The following CENPU variants were observed in gnomAD, a reference collection of about 807,000 sequenced individuals.
The protein encoded by CENPU is KSHV latent nuclear antigen interacting protein 1.
Under a neutral mutation model 56.7 loss-of-function variants are expected in CENPU, and 46 were observed. The observed-to-expected ratio is 0.81, with a 90% CI of 0.64 to 1.04. The LOEUF is 1.04. Among genes scored for constraint, CENPU ranks in the 50% least tolerant of loss-of-function variants. The pLI, the probability that CENPU is intolerant of heterozygous loss-of-function variation, is 0.00. For missense variants in CENPU, 510 were observed against 490.1 expected (o/e 1.04, Z -0.38); for synonymous variants, 166 against 163.0 (o/e 1.02, Z -0.14).
intron 1 of CENPU, among the ~76,000 whole-genome samples, chr4:184,732,444 G>C (rs1232306339): frequency 6.6e-6 from 1 of 152,152 alleles, no homozygotes; most frequent in Non-Finnish European, 1.5e-5. Context: ...TGAAACCTAA[G>C]GAAGCAGGTA....
At chr4:184,733,555 C>T (rs1418334583) in intron 1 of CENPU, 2 of 283,486 alleles carry the variant, frequency 7.1e-6, no homozygotes, top group Non-Finnish European at 1.1e-5. Context: ...GCAGCTCGGT[C>T]CCCCAGCCGG....
At chr4:184,731,883 CTGTGTGTGTG>C (rs59083873) in intron 1 of CENPU, among the ~76,000 whole-genome samples, 8 of 146,638 alleles carry the variant, frequency 5.5e-5, no homozygotes, top group Non-Finnish European at 6.0e-5. Context: ...CTCATGTGCT[CTGTGTGTGTG>C]TGTGTGTGTG....
At chr4:184,703,215 T>TG (rs1760602044) in intron 8 of CENPU, among the ~76,000 whole-genome samples, 1 of 152,262 alleles carries the variant, frequency 6.6e-6, no homozygotes, top group South Asian at 2.1e-4. Flanking sequence ...GAAATGCTTA[T>TG]GGATACTCCC....
At chr4:184,697,866 G>C in intron 11 of CENPU, 63 bp from the exon 12 acceptor site, 1 of 1,334,504 alleles carries the variant, frequency 7.5e-7, no homozygotes, top group East Asian at 2.3e-5. Flanking sequence ...AACTGAGGTT[G>C]TAAGTACGCT....
intron 8 of CENPU, among the ~76,000 whole-genome samples, chr4:184,705,721 G>T (rs922085580): frequency 6.6e-6 from 1 of 152,160 alleles, no homozygotes; most frequent in African/African-American, 2.4e-5. Flanking sequence ...ACTGATGAAT[G>T]AATGGATAAA....
chr4:184,719,617 C>A (rs1297866683), intron 4 of CENPU, among the ~76,000 whole-genome samples: 3 of 152,144 alleles, frequency 2.0e-5, no homozygotes, highest in Admixed American at 6.5e-5. Flanking sequence ...GGGCTTGGAG[C>A]CAGTGGACTG....
chr4:184,732,183 T>C (rs1761671233), intron 1 of CENPU, among the ~76,000 whole-genome samples: 1 of 152,152 alleles, frequency 6.6e-6, no homozygotes, highest in Admixed American at 6.5e-5. Flanking sequence ...CCTTTTGTTT[T>C]ATGTGTGGAT....
intron 8 of CENPU, among the ~76,000 whole-genome samples, chr4:184,703,794 A>T (rs1760626085): frequency 6.6e-6 from 1 of 152,218 alleles, no homozygotes. Context: ...GGATAAAGGA[A>T]ATGTGTTAAA....
At chr4:184,727,639 A>G (rs1189383841) in intron 3 of CENPU, among the ~76,000 whole-genome samples, 1 of 152,220 alleles carries the variant, frequency 6.6e-6, no homozygotes, top group African/African-American at 2.4e-5. Flanking sequence ...GGACTCAGCA[A>G]TTCTGCTCCC....
chr4:184,733,046 T>C (rs537913310), intron 1 of CENPU, among the ~76,000 whole-genome samples: 3 of 150,588 alleles, frequency 2.0e-5, no homozygotes, highest in South Asian at 2.1e-4. Flanking sequence ...GGAGGAGGCA[T>C]GAACAGATTT....
chr4:184,717,848 A>G (rs10428373), intron 4 of CENPU, among the ~76,000 whole-genome samples: 27,041 of 152,070 alleles, frequency 0.18, 3,576 homozygotes, highest in East Asian at 0.7. Flanking sequence ...TGGCGCTGAC[A>G]GGTAAAAAAA....
intron 8 of CENPU, among the ~76,000 whole-genome samples, chr4:184,703,673 A>G (rs893535045): frequency 1.3e-5 from 2 of 152,242 alleles, no homozygotes; most frequent in African/African-American, 4.8e-5. Context: ...TACATACACA[A>G]AAGAATTGAA....
chr4:184,701,243 ATTT>A (rs1760525161), intron 10 of CENPU, among the ~76,000 whole-genome samples: 3 of 152,184 alleles, frequency 2.0e-5, no homozygotes, highest in African/African-American at 7.2e-5. Flanking sequence ...TCCACTCTGT[ATTT>A]TAAAAGAAAT....
At chr4:184,702,202 G>A in intron 9 of CENPU, 66 bp from the exon 10 acceptor site, 17 of 1,329,668 alleles carry the variant, frequency 1.3e-5, no homozygotes, top group Non-Finnish European at 1.7e-5. Context: ...AGTTTCACAT[G>A]TGTCACATTT....
At chr4:184,698,291 T>G (rs1760407120) in intron 11 of CENPU, 1 of 152,358 alleles carries the variant, frequency 6.6e-6, no homozygotes. Context: ...GCAAACTGTT[T>G]CATCTCTCAG....
intron 3 of CENPU, among the ~76,000 whole-genome samples, chr4:184,728,020 G>A (rs2150230529): frequency 6.6e-6 from 1 of 152,280 alleles, no homozygotes; most frequent in Admixed American, 6.5e-5. Flanking sequence ...TGGGTACAGG[G>A]TTCTCTACAG....
rs772597684 is a variant in CENPU, at chr4:184,734,053, G to A, written c.10C>T (p.Arg4Trp). Residue 4 changes from arginine (R) to tryptophan (W), a missense_variant, in exon 1 of 13, where the codon CGG becomes TGG. Physicochemically the swap from Arg to Trp is moderately radical, Grantham distance 101. Transcript: ENST00000281453. MAP[R>W]GRRRPRPHRS... ...TGAGGCCGCGGCCGCCGCCGCCCCCGCGGGGCCATGGTGCCGCTCTCCGCT... is the reference window on the plus strand; with the variant it reads ...TGAGGCCGCGGCCGCCGCCGCCCCCACGGGGCCATGGTGCCGCTCTCCGCT... 1.1e-4 allele frequency: 168 copies of A among 1,566,068 alleles called. No individual in the cohort carries two copies. Among genetic ancestry groups the A allele is most frequent in the Middle Eastern group, 1.7e-4 (1 of 5,812 alleles).
At chr4:184,728,887 T>C (rs1198790456) in intron 3 of CENPU, 31 bp downstream of exon 3, 3 of 1,502,000 alleles carry the variant, frequency 2.0e-6, no homozygotes, top group Non-Finnish European at 1.8e-6. Flanking sequence ...TGCTTTAGAG[T>C]TATGTTAGGA....
At chr4:184,716,658 A>G in intron 5 of CENPU, 25 bp from the exon 6 acceptor site, 1 of 1,520,014 alleles carries the variant, frequency 6.6e-7, no homozygotes, top group Non-Finnish European at 9.1e-7. Context: ...AAACAGCAGT[A>G]CTTATGTAGA....
Sources: gnomAD v4.1 joint callset for allele counts (sites outside exome capture counted in the v4.1 genomes callset) on GRCh38, gnomAD v4.1.1 for gene constraint, MANE v1.5 for transcripts, NCBI Gene and HGNC (gene_info 2026-07-23, HGNC 2026-07-21) for gene names.